Variants in TGFBR3 observed in about 807,000 individuals in gnomAD.
TGFBR3 encodes the protein transforming growth factor beta receptor 3.
In TGFBR3, 46 loss-of-function variants were observed where a neutral mutation model predicts 87.9. The observed-to-expected ratio is 0.52, with a 90% CI of 0.41 to 0.67. The LOEUF (loss-of-function observed/expected upper bound fraction) is 0.67. Among genes scored for constraint, TGFBR3 ranks in the 30% least tolerant of loss-of-function variants. TGFBR3 has a pLI of 0.00. For synonymous variants in TGFBR3, 381 were observed against 391.6 expected (o/e 0.97, Z 0.32); for missense variants, 866 against 1,041.9 (o/e 0.83, Z 2.32).
At chr1:91,869,565 G>A (rs1678508068) in intron 1 of TGFBR3, among the ~76,000 whole-genome samples, 2 of 152,266 alleles carry the variant, frequency 1.3e-5, no homozygotes, top group African/African-American at 4.8e-5. Context: ...TCGGGAGGCT[G>A]AGGCAGGAGA....
At chr1:91,816,441 C>T (rs1676225827) in intron 2 of TGFBR3, among the ~76,000 whole-genome samples, 1 of 152,206 alleles carries the variant, frequency 6.6e-6, no homozygotes, top group African/African-American at 2.4e-5. Context: ...TCACTGACCA[C>T]TCCTGCGTTC....
rs114842996 is a variant in TGFBR3 at position 91,776,455 on chromosome 1, G to T, written c.247-17705C>A. On this transcript the variant is annotated intron_variant, in intron 3 of 16. Transcript: ENST00000212355. ...TATAGGAAGTGTGTTGTGAATTCAAGGTTAGGTTCTACCAATTATTTCCCA... is the reference window on the plus strand; with the variant it reads ...TATAGGAAGTGTGTTGTGAATTCAATGTTAGGTTCTACCAATTATTTCCCA... 2.0e-3 allele frequency among the ~76,000 whole-genome samples: 311 copies of T among 152,288 alleles called. 1 individual carries two copies. The highest frequency in any genetic ancestry group is 7.3e-3 in the African/African-American group (303 of 41,558).
In TGFBR3 at chr1:91,806,477, G is replaced by GA. The variant is rs1260706007; in HGVS notation, c.62-9007_62-9006insT. 2.0e-5 allele frequency among the ~76,000 whole-genome samples: 3 copies of GA among 151,434 alleles called. No homozygotes were observed. In the East Asian group the frequency reaches 5.8e-4, roughly 29 times the overall value. On this transcript the variant is annotated intron_variant, in intron 2 of 16. Transcript: ENST00000212355. ...TGCAACATGGACAAAAATACTGGCG[G>GA]GGGGGGTAATGTTTTGGAGAAGACA...
At chr1:91,772,225 G>A (rs1674404563) in intron 3 of TGFBR3, among the ~76,000 whole-genome samples, 1 of 152,224 alleles carries the variant, frequency 6.6e-6, no homozygotes, top group East Asian at 1.9e-4. Flanking sequence ...GGCTTAGTAA[G>A]TGTCACTTAG....
At chr1:91,894,527 T>C (rs1679513680) in intron 2 of TGFBR3, among the ~76,000 whole-genome samples, 1 of 152,224 alleles carries the variant, frequency 6.6e-6, no homozygotes, top group Non-Finnish European at 1.5e-5. Context: ...CAAGGTCACC[T>C]TGTGGCAAGA....
At position 91,690,788 on chromosome 1, in the gene TGFBR3, G is replaced by A. The variant is rs532950728; in HGVS notation, c.2437+4884C>T. On this transcript the variant is annotated intron_variant, in intron 16 of 16. Transcript: ENST00000212355. ...AACATATTTTATGGAAGCCTGAAGA[G>A]CTAAAGAGGAAAGATCCAATGATGA... Among the ~76,000 whole-genome samples, 4 of 152,130 alleles carry A rather than the reference G, an allele frequency of 2.6e-5. No homozygotes were observed. In the South Asian group the frequency reaches 8.3e-4, roughly 32 times the overall value.
In TGFBR3 at chr1:91,682,971, G is replaced by C. The variant is rs1029950115; in HGVS notation, c.*768C>G. On this transcript the variant is annotated 3_prime_UTR_variant, in exon 17 of 17. Transcript: ENST00000212355. ...GAATGGGCACAAATCTGTGGTTCCT[G>C]ATTTTGGTCATTTTCAATTTCTGTA... 7.3e-5 allele frequency: 33 copies of C among 454,484 alleles called. No homozygotes were observed. The highest frequency in any genetic ancestry group is 6.4e-4 in the African/African-American group (32 of 50,108). 28.2% of individuals were successfully genotyped at this position (454,484 alleles called of 1,614,324 possible). A position where few individuals can be genotyped will look rare whatever the true frequency, so the allele number is the denominator to read the frequency against.
Position 91,805,010 on chromosome 1 carries a change from C to T in TGFBR3, c.62-7539G>A, listed in dbSNP as rs903885277. 8.5e-5 allele frequency among the ~76,000 whole-genome samples: 13 copies of T among 152,210 alleles called. No individual in the cohort carries two copies. In the South Asian group the frequency reaches 1.2e-3, roughly 15 times the overall value. On this transcript the variant is annotated intron_variant, in intron 2 of 16. Coordinates refer to ENST00000212355, the MANE Select transcript of TGFBR3 (RefSeq NM_003243.5). ...AAGCAACAATGCTCATAAGCACACA[C>T]GCGTGCTCACTTCACACCATACTCT...
chr1:91,772,499 T>C (rs1055763520), intron 3 of TGFBR3, among the ~76,000 whole-genome samples: 1 of 152,182 alleles, frequency 6.6e-6, no homozygotes, highest in Non-Finnish European at 1.5e-5. Context: ...AGTCCCTCAA[T>C]AAACACTTGT....
chr1:91,841,260 C>G (rs991750007), intron 2 of TGFBR3, among the ~76,000 whole-genome samples: 3 of 152,220 alleles, frequency 2.0e-5, no homozygotes, highest in Middle Eastern at 6.4e-3. Context: ...TGCTTTTCCT[C>G]AAGAAAATCA....
chr1:91,745,852 C>T (rs1673326796), intron 4 of TGFBR3, among the ~76,000 whole-genome samples: 1 of 152,216 alleles, frequency 6.6e-6, no homozygotes, highest in African/African-American at 2.4e-5. Flanking sequence ...GCTACATATT[C>T]ATGAGCCATG....
chr1:91,835,703 CTG>C (rs1677034658), intron 2 of TGFBR3, among the ~76,000 whole-genome samples: 2 of 151,776 alleles, frequency 1.3e-5, no homozygotes, highest in Non-Finnish European at 2.9e-5. Flanking sequence ...TGGCGGATGC[CTG>C]TAGTCCCAGC....
At chr1:91,844,030 A>G (rs1677386031) in intron 2 of TGFBR3, among the ~76,000 whole-genome samples, 1 of 152,248 alleles carries the variant, frequency 6.6e-6, no homozygotes, top group Non-Finnish European at 1.5e-5. Context: ...GGCCTGATGG[A>G]AAGGCACAAC....
chr1:91,772,147 G>A (rs190543120), intron 3 of TGFBR3, among the ~76,000 whole-genome samples: 6 of 152,118 alleles, frequency 3.9e-5, no homozygotes, highest in African/African-American at 7.2e-5. Context: ...AATGAAAGAC[G>A]ATCATTTGCT....
At chr1:91,833,321 C>A (rs1676930142) in intron 2 of TGFBR3, among the ~76,000 whole-genome samples, 1 of 125,428 alleles carries the variant, frequency 8.0e-6, no homozygotes, top group Non-Finnish European at 1.6e-5. Flanking sequence ...AAAAAACAGG[C>A]CTGGTAACCC....
chr1:91,734,629 G>T, intron 5 of TGFBR3, 147 bp downstream of exon 5: 1 of 988,354 alleles, frequency 1.0e-6, no homozygotes, highest in Non-Finnish European at 1.6e-6. Flanking sequence ...GGGCGGTGGA[G>T]AGGCCTGGGG....
intron 4 of TGFBR3, among the ~76,000 whole-genome samples, chr1:91,741,973 G>A (rs570401411): frequency 3.3e-5 from 5 of 152,158 alleles, no homozygotes; most frequent in African/African-American, 4.8e-5. Flanking sequence ...GCCTCTGCCC[G>A]CCCTCATCTC....
At chr1:91,725,243 C>G (rs1296470427) in intron 7 of TGFBR3, among the ~76,000 whole-genome samples, 2 of 152,170 alleles carry the variant, frequency 1.3e-5, no homozygotes, top group Non-Finnish European at 2.9e-5. Context: ...CCCCGACACA[C>G]ACATGCATAA....
intron 2 of TGFBR3, among the ~76,000 whole-genome samples, chr1:91,807,144 G>T (rs1170880097): frequency 1.3e-5 from 2 of 152,202 alleles, no homozygotes; most frequent in African/African-American, 4.8e-5. Context: ...AGCGCCTTGG[G>T]GATGGAGCGG....
Sources: gnomAD v4.1 joint callset for allele counts (sites outside exome capture counted in the v4.1 genomes callset) on GRCh38, gnomAD v4.1.1 for gene constraint, MANE v1.5 for transcripts, NCBI Gene and HGNC (gene_info 2026-07-23, HGNC 2026-07-21) for gene names.